TIMM9: variants seen among roughly 807,000 people sequenced by gnomAD.
TIMM9 encodes the protein mitochondrial import inner membrane translocase subunit Tim9.
Under a neutral mutation model 13.4 loss-of-function variants are expected in TIMM9, and 10 were observed. The observed-to-expected ratio is 0.75, with a 90% CI of 0.46 to 1.26. The LOEUF is 1.26. Among genes scored for constraint, TIMM9 ranks in the 50% most tolerant of loss-of-function variants. The pLI is 0.00. For synonymous variants in TIMM9, 32 were observed against 32.1 expected, an observed-to-expected ratio of 1.00 and a Z score of 0.01; for missense variants, 87 against 100.8, an observed-to-expected ratio of 0.86 and a Z score of 0.58.
chr14:58,421,208 A>G (rs2036579429), intron 3 of TIMM9, among the ~76,000 whole-genome samples: 2 of 152,232 alleles, frequency 1.3e-5, no homozygotes, highest in Non-Finnish European at 2.9e-5. Context: ...TACTTGCAAA[A>G]GCCTGGAAAA....
chr14:58,413,118 T>G (rs2036275776), intron 3 of TIMM9, among the ~76,000 whole-genome samples: 1 of 152,190 alleles, frequency 6.6e-6, no homozygotes, highest in Non-Finnish European at 1.5e-5. Context: ...TTTACGTTCC[T>G]TTTCTGGTAG....
chr14:58,420,699 A>C (rs938961106), intron 3 of TIMM9, among the ~76,000 whole-genome samples: 2 of 151,534 alleles, frequency 1.3e-5, no homozygotes, highest in Middle Eastern at 3.2e-3. Context: ...TGGCTGAGGC[A>C]AGAGAATTGC....
chr14:58,418,092 T>A (rs1389486313), intron 3 of TIMM9, among the ~76,000 whole-genome samples: 3 of 152,144 alleles, frequency 2.0e-5, no homozygotes, highest in Non-Finnish European at 4.4e-5. Context: ...TTAGCAAATA[T>A]AATTCAGCAA....
chr14:58,423,514 C>CAAAAAAAA (rs398025245), intron 3 of TIMM9, among the ~76,000 whole-genome samples: 1 of 66,494 alleles, frequency 1.5e-5, no homozygotes, highest in African/African-American at 5.8e-5. Flanking sequence ...GACTTTGTCT[C>CAAAAAAAA]AAAAAAAAAA....
At chr14:58,412,166 C>T (rs568610679) in intron 3 of TIMM9, 195 bp from the exon 4 acceptor site, 26 of 445,666 alleles carry the variant, frequency 5.8e-5, no homozygotes, top group African/African-American at 5.0e-4. Flanking sequence ...TTTTTTGAGA[C>T]GGAGTCTCAC....
intron 3 of TIMM9, among the ~76,000 whole-genome samples, chr14:58,413,967 A>G (rs1212610793): frequency 8.0e-6 from 1 of 124,802 alleles, no homozygotes; most frequent in East Asian, 2.9e-4. Context: ...AGATTGCACC[A>G]CTGCACTCCG....
intron 3 of TIMM9, among the ~76,000 whole-genome samples, chr14:58,413,531 G>A (rs982080223): frequency 4.6e-5 from 7 of 152,098 alleles, no homozygotes; most frequent in African/African-American, 1.2e-4. Context: ...ATAATCTAAC[G>A]TGGCGGCAAC....
intron 5 of TIMM9, among the ~76,000 whole-genome samples, chr14:58,409,389 A>T (rs956278492): frequency 2.0e-5 from 3 of 152,190 alleles, no homozygotes; most frequent in African/African-American, 7.2e-5. Context: ...GTAGTCACTA[A>T]GAGCAATGAT....
Position 58,410,875 on chromosome 14 carries a change from C to CT in TIMM9, c.102dup (p.Asp35ArgfsTer10). The CT allele has an allele frequency of 6.2e-7, 1 of 1,612,888 alleles. No individual in the cohort carries two copies. The highest frequency in any genetic ancestry group is 8.5e-7 in the Non-Finnish European group (1 of 1,179,708). ...GGTTTTACTTCTCTTGTTGTGAAGTCTTTAACACAGTCCAAAAAGCAGGTC... is the reference window on the plus strand; with the variant it reads ...GGTTTTACTTCTCTTGTTGTGAAGTCTTTTAACACAGTCCAAAAAGCAGGTC... On this transcript the variant is annotated frameshift_variant, in exon 5 of 6. Coordinates refer to ENST00000395159, the MANE Select transcript of TIMM9 (RefSeq NM_012460.4). LOFTEE classifies it high-confidence loss of function.
At chr14:58,414,735 T>TTA (rs558027584) in intron 3 of TIMM9, among the ~76,000 whole-genome samples, 2 of 7,190 alleles carry the variant, frequency 2.8e-4, no homozygotes, top group Non-Finnish European at 4.8e-4. Flanking sequence ...AGACGCCATC[T>TTA]CAAAAAAAAA....
intron 3 of TIMM9, among the ~76,000 whole-genome samples, chr14:58,420,679 G>C (rs1342324038): frequency 6.6e-6 from 1 of 151,336 alleles, no homozygotes; most frequent in African/African-American, 2.4e-5. Context: ...TGTGGTCCCA[G>C]CTACTCGGGT....
intron 4 of TIMM9, 95 bp from the exon 5 acceptor site, chr14:58,411,033 T>C: frequency 2.5e-6 from 2 of 797,764 alleles, no homozygotes; most frequent in South Asian, 1.6e-5. Flanking sequence ...AGACAAAATA[T>C]ACTATAACAC....
chr14:58,425,544 GAAAA>G (rs764283280), intron 2 of TIMM9, among the ~76,000 whole-genome samples: 3 of 124,974 alleles, frequency 2.4e-5, no homozygotes, highest in South Asian at 2.5e-4. Context: ...CCTGTCTCTG[GAAAA>G]AAAAAAAAAA....
In TIMM9 at chr14:58,410,703, C is replaced by G. The variant is rs558930230; in HGVS notation, c.135+140G>C. Reference sequence around the variant, plus strand: ...ACTCAATGCCGTGGTTCAGTGGCTGCTTCAGTTCTTCCAAGCAATGGAACA... The same window carrying G: ...ACTCAATGCCGTGGTTCAGTGGCTGGTTCAGTTCTTCCAAGCAATGGAACA... On this transcript the variant is annotated intron_variant, in intron 5 of 5. Coordinates refer to ENST00000395159, the MANE Select transcript of TIMM9 (RefSeq NM_012460.4). 236 of 589,336 alleles carry G rather than the reference C, an allele frequency of 4.0e-4. 1 individual carries two copies. 36.5% of individuals were successfully genotyped at this position (589,336 alleles called of 1,614,324 possible).
intron 3 of TIMM9, among the ~76,000 whole-genome samples, chr14:58,413,125 G>A (rs1339137548): frequency 6.6e-6 from 1 of 151,948 alleles, no homozygotes; most frequent in East Asian, 1.9e-4. Flanking sequence ...TCCTTTTCTG[G>A]TAGTAAGTCT....
In TIMM9 at chr14:58,408,501, G is replaced by T. The variant is rs1296853575; in HGVS notation, c.*533C>A. ...AAAGGATCATGCATTGAAATGATTA[G>T]CAAGTAACTATTTTATGTATTCACC... is the stretch of plus-strand genomic sequence containing the variant. On this transcript the variant is annotated 3_prime_UTR_variant, in exon 6 of 6. Transcript: ENST00000395159. The T allele has an allele frequency of 3.7e-6, 6 of 1,603,426 alleles. No individual in the cohort carries two copies. The highest frequency in any genetic ancestry group is 5.1e-6 in the Non-Finnish European group (6 of 1,170,576).
chr14:58,411,962 T>C lies in TIMM9; in HGVS notation c.-17A>G. On this transcript the variant is annotated 5_prime_UTR_variant, in exon 4 of 6. In the 5' UTR this introduces an upstream ATG that the reference lacks. Coordinates refer to ENST00000395159, the MANE Select transcript of TIMM9 (RefSeq NM_012460.4). ...TGCAGCCATATTCTTCTGGTACCTT[T>C]ATTAGTCACCTAATTTAAAAATTCA... 6.2e-7 allele frequency: 1 copy of C among 1,612,478 alleles called. No homozygotes were observed. Among genetic ancestry groups the C allele is most frequent in the Non-Finnish European group, 8.5e-7 (1 of 1,178,616 alleles).
At position 58,414,655 on chromosome 14, in the gene TIMM9, T is replaced by C. The variant is rs140010737; in HGVS notation, c.-26-2684A>G. 2.2e-3 allele frequency among the ~76,000 whole-genome samples: 326 copies of C among 149,998 alleles called. 1 individual carries two copies. The highest frequency in any genetic ancestry group is 7.5e-3 in the African/African-American group (306 of 40,892). ...CAGGAGGCTGAGGCAGGAGAACTGC[T>C]TGACCCCTTGGGCGGAGGTTGCAGT... is the stretch of plus-strand genomic sequence containing the variant. On this transcript the variant is annotated intron_variant, in intron 3 of 5. Transcript: ENST00000395159.
At chr14:58,411,738 T>A (rs1269570765) in intron 4 of TIMM9, among the ~76,000 whole-genome samples, 169 bp downstream of exon 4, 1 of 152,014 alleles carries the variant, frequency 6.6e-6, no homozygotes, top group East Asian at 2.0e-4. Flanking sequence ...AGTTTCACCA[T>A]GTTGGCCAGG....
Sources: gnomAD v4.1 joint callset for allele counts (sites outside exome capture counted in the v4.1 genomes callset) on GRCh38, gnomAD v4.1.1 for gene constraint, MANE v1.5 for transcripts, NCBI Gene and HGNC (gene_info 2026-07-23, HGNC 2026-07-21) for gene names.